Variants in GMDS observed in about 807,000 individuals in gnomAD.
The protein encoded by GMDS is GDP-mannose 4,6-dehydratase.
Under a neutral mutation model 49.9 loss-of-function variants are expected in GMDS, and 20 were observed. That is an observed-to-expected ratio of 0.40 (90% confidence interval 0.28 to 0.58). The LOEUF is 0.58. Among genes scored for constraint, GMDS ranks in the 20% least tolerant of loss-of-function variants. The probability of loss-of-function intolerance (pLI) is 0.42; values close to 1 mark genes in which losing one functional copy is unlikely to be tolerated. For missense variants in GMDS, 362 were observed against 481.4 expected (o/e 0.75, Z 2.32); for synonymous variants, 177 against 178.6 (o/e 0.99, Z 0.07).
rs183789540 is a variant in GMDS, at chr6:1,878,574, C to T, written c.771+51529G>A. Among the ~76,000 whole-genome samples, 10 of 151,904 alleles carry T rather than the reference C, an allele frequency of 6.6e-5. No individual in the cohort carries two copies. The East Asian group carries it at 7.7e-4, about 12-fold the overall frequency. ...GGCTCAGACACTTCTGCTGGCCATGCGGGAATCTGCTTGTGTGGAAAAAAG... is the reference window on the plus strand; with the variant it reads ...GGCTCAGACACTTCTGCTGGCCATGTGGGAATCTGCTTGTGTGGAAAAAAG... On this transcript the variant is annotated intron_variant, in intron 7 of 10. Coordinates refer to ENST00000380815, the MANE Select transcript of GMDS (RefSeq NM_001500.4).
At chr6:1,965,869 G>C (rs1311539641) in intron 4 of GMDS, among the ~76,000 whole-genome samples, 1 of 151,922 alleles carries the variant, frequency 6.6e-6, no homozygotes, top group Non-Finnish European at 1.5e-5. Context: ...GAGAGAGAGA[G>C]AGATTATTTT....
At chr6:1,693,948 A>G (rs1765254684) in intron 9 of GMDS, among the ~76,000 whole-genome samples, 1 of 152,200 alleles carries the variant, frequency 6.6e-6, no homozygotes, top group African/African-American at 2.4e-5. Context: ...GAACTTAGAG[A>G]GTCAAATAAC....
At chr6:1,661,933 A>C (rs529027911) in intron 9 of GMDS, among the ~76,000 whole-genome samples, 238 of 152,318 alleles carry the variant, frequency 1.6e-3, no homozygotes, top group African/African-American at 5.5e-3. Context: ...GAGGGTCATC[A>C]AAAACCCATG....
chr6:1,643,557 A>G (rs905859916), intron 9 of GMDS, among the ~76,000 whole-genome samples: 1 of 152,154 alleles, frequency 6.6e-6, no homozygotes, highest in African/African-American at 2.4e-5. Context: ...TGCTGGTCAA[A>G]GGATACACAC....
chr6:1,848,878 C>T (rs1757532871), intron 7 of GMDS, among the ~76,000 whole-genome samples: 1 of 152,158 alleles, frequency 6.6e-6, no homozygotes, highest in Non-Finnish European at 1.5e-5. Context: ...CTTCTACTAG[C>T]ACAGTTTTTC....
At chr6:2,010,995 T>C (rs1767524721) in intron 4 of GMDS, among the ~76,000 whole-genome samples, 1 of 151,982 alleles carries the variant, frequency 6.6e-6, no homozygotes, top group African/African-American at 2.4e-5. Context: ...CAAACAGGTA[T>C]AAACAAATAA....
At chr6:1,728,735 TGGTGG>T (rs1766682202) in intron 8 of GMDS, among the ~76,000 whole-genome samples, 1 of 152,164 alleles carries the variant, frequency 6.6e-6, no homozygotes, top group Non-Finnish European at 1.5e-5. Flanking sequence ...CTTTAGACTT[TGGTGG>T]GGTCTGTAAA....
chr6:1,909,030 C>T (rs1280586498), intron 7 of GMDS, among the ~76,000 whole-genome samples: 1 of 152,158 alleles, frequency 6.6e-6, no homozygotes, highest in East Asian at 1.9e-4. Flanking sequence ...GAAAGAATGA[C>T]AGGGTATCCA....
chr6:1,916,864 G>A (rs534448751), intron 7 of GMDS, among the ~76,000 whole-genome samples: 50 of 151,518 alleles, frequency 3.3e-4, no homozygotes, highest in Admixed American at 1.1e-3. Context: ...CCCATGCCAC[G>A]TCTTCAAGCT....
chr6:2,127,941 A>T (rs1457681345), intron 1 of GMDS, among the ~76,000 whole-genome samples: 1 of 152,244 alleles, frequency 6.6e-6, no homozygotes, highest in African/African-American at 2.4e-5. Context: ...CAAGGAACAA[A>T]CAGACTAAAT....
chr6:2,012,856 G>A (rs1767643001), intron 4 of GMDS, among the ~76,000 whole-genome samples: 2 of 152,196 alleles, frequency 1.3e-5, no homozygotes, highest in African/African-American at 4.8e-5. Context: ...TCTTTACGGT[G>A]AACATCAGAG....
At chr6:1,654,192 G>A (rs1165583051) in intron 9 of GMDS, among the ~76,000 whole-genome samples, 2 of 152,208 alleles carry the variant, frequency 1.3e-5, no homozygotes, top group South Asian at 2.1e-4. Flanking sequence ...AATGGAAAAC[G>A]AGTATGGTAG....
At chr6:1,770,181 T>C (rs970449923) in intron 7 of GMDS, among the ~76,000 whole-genome samples, 1 of 152,328 alleles carries the variant, frequency 6.6e-6, no homozygotes, top group African/African-American at 2.4e-5. Flanking sequence ...AATGAGGATA[T>C]CTTCTTCCCT....
chr6:1,805,861 A>T (rs1221908699), intron 7 of GMDS, among the ~76,000 whole-genome samples: 1 of 152,228 alleles, frequency 6.6e-6, no homozygotes, highest in Non-Finnish European at 1.5e-5. Context: ...GAGTTCTGAG[A>T]CAAAAACAGT....
intron 7 of GMDS, among the ~76,000 whole-genome samples, chr6:1,794,181 G>T (rs181693402): frequency 9.2e-5 from 14 of 151,964 alleles, no homozygotes; most frequent in African/African-American, 3.4e-4. Flanking sequence ...ACACCTAGAG[G>T]GTTCTTTCTC....
At chr6:2,069,021 A>G (rs1466485979) in intron 4 of GMDS, among the ~76,000 whole-genome samples, 2 of 152,238 alleles carry the variant, frequency 1.3e-5, no homozygotes, top group Non-Finnish European at 2.9e-5. Context: ...AAACTATACT[A>G]TAAGGCTACA....
intron 7 of GMDS, among the ~76,000 whole-genome samples, chr6:1,846,285 G>T (rs987444662): frequency 6.6e-6 from 1 of 151,896 alleles, no homozygotes; most frequent in African/African-American, 2.4e-5. Context: ...TAGAGACAGG[G>T]TTTTGCCATG....
chr6:1,793,784 C>A (rs181271478), intron 7 of GMDS, among the ~76,000 whole-genome samples: 1 of 152,274 alleles, frequency 6.6e-6, no homozygotes, highest in East Asian at 1.9e-4. Flanking sequence ...AACACAAATT[C>A]CCTGCCAGTG....
chr6:1,990,698 C>T (rs959503587), intron 4 of GMDS, among the ~76,000 whole-genome samples: 1 of 151,850 alleles, frequency 6.6e-6, no homozygotes, highest in African/African-American at 2.4e-5. Context: ...CCTTAGCCTC[C>T]AGAGTAGCTG....
Sources: gnomAD v4.1 joint callset for allele counts (sites outside exome capture counted in the v4.1 genomes callset) on GRCh38, gnomAD v4.1.1 for gene constraint, MANE v1.5 for transcripts, NCBI Gene and HGNC (gene_info 2026-07-23, HGNC 2026-07-21) for gene names.